The following OSTC variants were observed in gnomAD, a reference collection of about 807,000 sequenced individuals.
OSTC encodes oligosaccharyltransferase complex subunit OSTC.
A neutral mutation model predicts 16.4 loss-of-function variants in OSTC; 16 were observed. The observed-to-expected ratio is 0.98, with a 90% CI of 0.66 to 1.49. The LOEUF is 1.49. OSTC is among the 40% of genes most tolerant of loss of function. OSTC has a pLI of 0.00. For missense variants in OSTC, 139 were observed against 186.3 expected (o/e 0.75, Z 1.48); for synonymous variants, 67 against 68.5 (o/e 0.98, Z 0.11).
chr4:108,650,975 G>T lies in OSTC; in HGVS notation c.139+181G>T, dbSNP rs138179891. The T allele has an allele frequency of 3.0e-4, 241 of 809,062 alleles. 1 individual carries two copies. In the African/African-American group the frequency reaches 3.5e-3, roughly 12 times the overall value. The allele number at this position is 809,062 out of a possible 1,614,324, so 50.1% of individuals were successfully genotyped here. A position where few individuals can be genotyped will look rare whatever the true frequency, so the allele number is the denominator to read the frequency against. On this transcript the variant is annotated intron_variant, in intron 1 of 3. Coordinates refer to ENST00000361564, the MANE Select transcript of OSTC (RefSeq NM_021227.4). Reference sequence around the variant, plus strand: ...AACGTCCAAGTTTATTCGCCTTCACGCCCTGTCTTAAGAGAATTCGTGTTC... The same window carrying T: ...AACGTCCAAGTTTATTCGCCTTCACTCCCTGTCTTAAGAGAATTCGTGTTC...
At chr4:108,663,791 A>T (rs2575628) in intron 3 of OSTC, among the ~76,000 whole-genome samples, 123,341 of 151,786 alleles carry the variant, frequency 0.81, 50,446 homozygotes, top group East Asian at 1. Flanking sequence ...CCTAGCACAG[A>T]GCTTGCCTTA....
intron 3 of OSTC, among the ~76,000 whole-genome samples, chr4:108,666,920 A>G (rs1250111230): frequency 1.4e-5 from 2 of 145,884 alleles, no homozygotes; most frequent in Admixed American, 1.4e-4. Context: ...CAGGAGAACC[A>G]CTTGAACCCG....
intron 3 of OSTC, among the ~76,000 whole-genome samples, chr4:108,665,445 C>CTTT (rs371138600): frequency 1.1e-3 from 122 of 114,058 alleles, no homozygotes; most frequent in African/African-American, 2.4e-3. Context: ...TGTTGTAAAC[C>CTTT]TTTTTTTTTT....
chr4:108,650,723 C>A lies in OSTC; in HGVS notation c.68C>A (p.Pro23His). 6.2e-7 allele frequency: 1 copy of A among 1,614,208 alleles called. No homozygotes were observed. Among genetic ancestry groups the A allele is most frequent in the East Asian group, 2.2e-5 (1 of 44,872 alleles). Residue 23 changes from proline to histidine, a missense_variant, in exon 1 of 4, where the codon CCC (proline) becomes CAC (histidine). Transcript: ENST00000361564. ...CCCAACCTGAAGCTGAAGAAGCCGC[C>A]CTGGTTGCACATGCCGTCGGCCATG... Reference protein sequence around the residue: ...ECPNLKLKKPPWLHMPSAMTV... With the variant: ...ECPNLKLKKPHWLHMPSAMTV...
chr4:108,657,868 A>G (rs144087705), intron 3 of OSTC, among the ~76,000 whole-genome samples: 84 of 151,298 alleles, frequency 5.6e-4, no homozygotes, highest in African/African-American at 2.0e-3. Flanking sequence ...CATGAGAGAA[A>G]ATTTAGTTAC....
At chr4:108,651,925 A>G (rs569834616) in intron 1 of OSTC, among the ~76,000 whole-genome samples, 1 of 152,314 alleles carries the variant, frequency 6.6e-6, no homozygotes, top group East Asian at 1.9e-4. Flanking sequence ...GTGAGAATTA[A>G]CTTACGTTCA....
At chr4:108,662,998 C>T (rs1483765337) in intron 3 of OSTC, among the ~76,000 whole-genome samples, 1 of 152,334 alleles carries the variant, frequency 6.6e-6, no homozygotes, top group Non-Finnish European at 1.5e-5. Flanking sequence ...TCTGTGAACT[C>T]TCTTGGCCTC....
intron 1 of OSTC, among the ~76,000 whole-genome samples, chr4:108,651,906 T>A (rs1206221828): frequency 1.3e-5 from 2 of 152,188 alleles, no homozygotes; most frequent in Non-Finnish European, 2.9e-5. Flanking sequence ...CTTCCCCCAA[T>A]CTAGAATAGT....
intron 3 of OSTC, among the ~76,000 whole-genome samples, chr4:108,659,363 GT>G (rs1726796055): frequency 7.0e-6 from 1 of 142,570 alleles, no homozygotes; most frequent in Non-Finnish European, 1.5e-5. Context: ...GCCTCTTATT[GT>G]TCCTTGTTTT....
chr4:108,667,342 A>G lies in OSTC; in HGVS notation c.*77A>G, dbSNP rs1401742361. On this transcript the variant is annotated 3_prime_UTR_variant, in exon 4 of 4. Transcript: ENST00000361564. ...GTTTTAAAGGCTGTACCAATCCTCTAATATGAAATGTGGAAAAGAATGAAG... is the reference window on the plus strand; with the variant it reads ...GTTTTAAAGGCTGTACCAATCCTCTGATATGAAATGTGGAAAAGAATGAAG... 5.9e-6 allele frequency: 7 copies of G among 1,183,396 alleles called. No homozygotes were observed. The highest frequency in any genetic ancestry group is 1.5e-5 in the African/African-American group (1 of 64,980). 73.3% of individuals were successfully genotyped at this position (1,183,396 alleles called of 1,614,324 possible). A position where few individuals can be genotyped will look rare whatever the true frequency, so the allele number is the denominator to read the frequency against.
intron 2 of OSTC, 83 bp downstream of exon 2, chr4:108,655,740 C>A: frequency 1.1e-6 from 1 of 951,224 alleles, no homozygotes; most frequent in Non-Finnish European, 1.6e-6. Context: ...TAGAGTAAAA[C>A]CTATGGGATC....
chr4:108,660,323 G>A (rs887952216), intron 3 of OSTC, among the ~76,000 whole-genome samples: 1 of 152,152 alleles, frequency 6.6e-6, no homozygotes, highest in African/African-American at 2.4e-5. Flanking sequence ...TTCCCTTTCT[G>A]ATATCATTTC....
chr4:108,650,903 T>C lies in OSTC; in HGVS notation c.139+109T>C. The C allele has an allele frequency of 4.7e-6, 7 of 1,502,928 alleles. No individual in the cohort carries two copies. In the South Asian group the frequency reaches 8.6e-5, roughly 18 times the overall value. 93.1% of individuals were successfully genotyped at this position (1,502,928 alleles called of 1,614,324 possible). A position where few individuals can be genotyped will look rare whatever the true frequency, so the allele number is the denominator to read the frequency against. ...GCCCCGGGGGAAGCATAGCTCTGCT[T>C]TGGATCTTTTCTGAGGGTGGAGGGG... On this transcript the variant is annotated intron_variant, in intron 1 of 3. Coordinates refer to ENST00000361564, the MANE Select transcript of OSTC (RefSeq NM_021227.4).
intron 1 of OSTC, among the ~76,000 whole-genome samples, chr4:108,654,130 T>A (rs1726633850): frequency 6.6e-6 from 1 of 152,138 alleles, no homozygotes; most frequent in South Asian, 2.1e-4. Context: ...TTCTGAGAAG[T>A]CCCCTAAGAT....
In OSTC at chr4:108,650,672, G is replaced by T. The variant is rs759876952; in HGVS notation, c.17G>T (p.Arg6Leu). The T allele has an allele frequency of 3.1e-6, 5 of 1,614,104 alleles. No individual in the cohort carries two copies. The South Asian group carries it at 4.4e-5, about 14-fold the overall frequency. METLY[R>L]VPFLVLECPN... ...GCCACCAACATGGAGACTTTGTACC[G>T]TGTCCCGTTCTTAGTGCTCGAATGT... Residue 6 changes from arginine to leucine, a missense_variant, in exon 1 of 4, where the codon CGT becomes CTT. Coordinates refer to ENST00000361564, the MANE Select transcript of OSTC (RefSeq NM_021227.4).
In OSTC at chr4:108,667,179, A is replaced by G. The variant is rs983920809; in HGVS notation, c.432-68A>G. ...AAAATTTGTTTTGGCATTTTGAAAT[A>G]CTATGATAATAAGAGAATATAAAAA... On this transcript the variant is annotated intron_variant, in intron 3 of 3. Coordinates refer to ENST00000361564, the MANE Select transcript of OSTC (RefSeq NM_021227.4). 3.0e-6 allele frequency: 4 copies of G among 1,320,464 alleles called. No homozygotes were observed. In the Admixed American group the frequency reaches 8.5e-5, roughly 28 times the overall value. 81.8% of individuals were successfully genotyped at this position (1,320,464 alleles called of 1,614,324 possible). A position where few individuals can be genotyped will look rare whatever the true frequency, so the allele number is the denominator to read the frequency against.
intron 1 of OSTC, among the ~76,000 whole-genome samples, chr4:108,653,195 A>G (rs1313665292): frequency 6.6e-6 from 1 of 152,228 alleles, no homozygotes; most frequent in Non-Finnish European, 1.5e-5. Context: ...ACTGCACTCC[A>G]GCCAGGGTGA....
At position 108,650,639 on chromosome 4, in the gene OSTC, C is replaced by T. The variant is rs369154004; in HGVS notation, c.-17C>T. 2.0e-5 allele frequency: 33 copies of T among 1,613,792 alleles called. No homozygotes were observed. The highest frequency in any genetic ancestry group is 1.7e-4 in the Middle Eastern group (1 of 6,056). On this transcript the variant is annotated 5_prime_UTR_variant, in exon 1 of 4. Coordinates refer to ENST00000361564, the MANE Select transcript of OSTC (RefSeq NM_021227.4). ...GCGTGGGGCTTGAGGCCGAGAACGG[C>T]CCTTGCTGCCACCAACATGGAGACT... is the stretch of plus-strand genomic sequence containing the variant.
chr4:108,654,582 A>G (rs138853034), intron 1 of OSTC, among the ~76,000 whole-genome samples: 86 of 152,282 alleles, frequency 5.6e-4, no homozygotes, highest in African/African-American at 2.0e-3. Flanking sequence ...GGTGGGGAAA[A>G]GACAAGGGAA....
Sources: gnomAD v4.1 joint callset for allele counts (sites outside exome capture counted in the v4.1 genomes callset) on GRCh38, gnomAD v4.1.1 for gene constraint, MANE v1.5 for transcripts, NCBI Gene and HGNC (gene_info 2026-07-23, HGNC 2026-07-21) for gene names.